The following MSRA variants were observed in gnomAD, a reference collection of about 807,000 sequenced individuals.
The protein encoded by MSRA is mitochondrial peptide methionine sulfoxide reductase.
Under a neutral mutation model 31.3 loss-of-function variants are expected in MSRA, and 54 were observed. That is an observed-to-expected ratio of 1.73 (90% CI 1.39 to 2.17). The LOEUF is 2.17. Among genes scored for constraint, MSRA ranks in the 30% most tolerant of loss-of-function variants. The probability of loss-of-function intolerance (pLI) is 0.00; values close to 1 mark genes in which losing one functional copy is unlikely to be tolerated. For synonymous variants in MSRA, 169 were observed against 116.5 expected (o/e 1.45, Z -2.90); for missense variants, 507 against 300.9 (o/e 1.69, Z -5.07).
At chr8:10,183,015 C>T (rs558873917) in intron 1 of MSRA, among the ~76,000 whole-genome samples, 1 of 152,292 alleles carries the variant, frequency 6.6e-6, no homozygotes, top group East Asian at 1.9e-4. Flanking sequence ...TAGCACATTC[C>T]ATGAGCCAAC....
At chr8:10,249,629 C>A (rs778706895) in intron 3 of MSRA, among the ~76,000 whole-genome samples, 5 of 152,210 alleles carry the variant, frequency 3.3e-5, no homozygotes, top group Non-Finnish European at 7.3e-5. Context: ...AAGCCACCCA[C>A]CACCAGCTTC....
intron 1 of MSRA, among the ~76,000 whole-genome samples, chr8:10,155,427 C>G (rs1245588197): frequency 6.6e-6 from 1 of 152,166 alleles, no homozygotes; most frequent in Non-Finnish European, 1.5e-5. Context: ...ACTGAAGAGC[C>G]TAGAAGCTGT....
At chr8:10,250,639 AGGAG>A (rs1334860950) in intron 3 of MSRA, 2 of 606,298 alleles carry the variant, frequency 3.3e-6, no homozygotes, top group African/African-American at 3.7e-5. Flanking sequence ...GGTTTCGAGC[AGGAG>A]CCCAGGTGTG....
chr8:10,057,726 C>T (rs750860972), intron 1 of MSRA, among the ~76,000 whole-genome samples: 3 of 152,190 alleles, frequency 2.0e-5, no homozygotes, highest in Non-Finnish European at 2.9e-5. Flanking sequence ...TTTGCGCTCT[C>T]TCGTTCTCTC....
At chr8:10,274,757 C>A (rs778194423) in intron 3 of MSRA, among the ~76,000 whole-genome samples, 4 of 151,946 alleles carry the variant, frequency 2.6e-5, no homozygotes, top group Non-Finnish European at 5.9e-5. Flanking sequence ...ACTCACCCAT[C>A]CACCATCATC....
chr8:10,076,031 G>A (rs1797980813), intron 1 of MSRA, among the ~76,000 whole-genome samples: 1 of 152,218 alleles, frequency 6.6e-6, no homozygotes, highest in Non-Finnish European at 1.5e-5. Context: ...TGTTGGCTTG[G>A]TGGAAAGCAC....
chr8:10,389,195 A>G (rs1294508918), intron 5 of MSRA, among the ~76,000 whole-genome samples: 3 of 152,198 alleles, frequency 2.0e-5, no homozygotes, highest in African/African-American at 7.2e-5. Context: ...GTGGAAAAGG[A>G]CCCTGGCATT....
At chr8:10,075,670 T>C (rs1797962258) in intron 1 of MSRA, among the ~76,000 whole-genome samples, 1 of 152,268 alleles carries the variant, frequency 6.6e-6, no homozygotes, top group Non-Finnish European at 1.5e-5. Context: ...TTTTATGTTC[T>C]AGCATCAAGA....
At chr8:10,219,806 CAAAAAAAAA>C (rs59393980) in intron 2 of MSRA, among the ~76,000 whole-genome samples, 2 of 57,116 alleles carry the variant, frequency 3.5e-5, no homozygotes, top group African/African-American at 1.8e-4. Flanking sequence ...ACTCTGTCTC[CAAAAAAAAA>C]AAAAAAAAAA....
chr8:10,201,126 T>A (rs1390792797), intron 1 of MSRA, among the ~76,000 whole-genome samples: 1 of 152,026 alleles, frequency 6.6e-6, no homozygotes, highest in African/African-American at 2.4e-5. Flanking sequence ...GTTGGGGTGT[T>A]GACAGATTTT....
intron 1 of MSRA, among the ~76,000 whole-genome samples, chr8:10,094,825 A>G (rs1455496399): frequency 1.3e-5 from 2 of 152,262 alleles, no homozygotes; most frequent in African/African-American, 2.4e-5. Flanking sequence ...TAAGTAAACA[A>G]GTGACTATGC....
chr8:10,135,473 G>A (rs1432908998), intron 1 of MSRA, among the ~76,000 whole-genome samples: 1 of 152,188 alleles, frequency 6.6e-6, no homozygotes, highest in African/African-American at 2.4e-5. Flanking sequence ...AGTTACCAAC[G>A]AGTAATATTA....
chr8:10,347,738 C>A (rs1381536643), intron 5 of MSRA, among the ~76,000 whole-genome samples: 2 of 152,200 alleles, frequency 1.3e-5, no homozygotes, highest in Non-Finnish European at 2.9e-5. Flanking sequence ...ATGAAATAAT[C>A]CCGTCCATAG....
At chr8:10,067,676 C>T (rs2128916193) in intron 1 of MSRA, among the ~76,000 whole-genome samples, 1 of 152,298 alleles carries the variant, frequency 6.6e-6, no homozygotes, top group Admixed American at 6.5e-5. Flanking sequence ...TCCTTCCCGG[C>T]AGTTGTTGTT....
rs142261707 is a variant in MSRA at position 10,273,540 on chromosome 8, T to G, written c.332-27994T>G. ...AGTACTTGGTATGTAATAAGAGTCA[T>G]GTAAGTTTTATAATCATGAGAACAG... is the stretch of plus-strand genomic sequence containing the variant. On this transcript the variant is annotated intron_variant, in intron 3 of 5. Transcript: ENST00000317173. Among the ~76,000 whole-genome samples, 356 of 152,322 alleles carry G rather than the reference T, an allele frequency of 2.3e-3. 2 individuals carry two copies. Among genetic ancestry groups the G allele is most frequent in the Admixed American group, 3.5e-3 (54 of 15,310 alleles).
In MSRA at chr8:10,080,935, G is replaced by C. The variant is rs71516553; in HGVS notation, c.142+26277G>C. ...CATGTGCAAGGTCTTCCATACCGCA[G>C]AAGGCTGTTGGGCAAGGCATAGTCC... On this transcript the variant is annotated intron_variant, in intron 1 of 5. Transcript: ENST00000317173. Among the ~76,000 whole-genome samples the C allele has an allele frequency of 7.4e-4, 113 of 152,322 alleles. 1 individual carries two copies. Among genetic ancestry groups the C allele is most frequent in the African/African-American group, 2.3e-3 (97 of 41,572 alleles).
intron 1 of MSRA, among the ~76,000 whole-genome samples, chr8:10,102,827 G>C (rs1700308790): frequency 6.6e-6 from 1 of 152,136 alleles, no homozygotes; most frequent in Non-Finnish European, 1.5e-5. Flanking sequence ...TGGTAGGTGA[G>C]GGTGAAATTC....
Position 10,233,267 on chromosome 8 carries a change from TTGCCTTC to T in MSRA, c.212-11832_212-11826del, listed in dbSNP as rs541106476. The stretch of plus-strand genomic sequence containing the variant: ...ACAACTTGAAAGTGCTTCTCTCTTC[TTGCCTTC>T]TGCCCAAGGTGACACACCCATGTGT... On this transcript the variant is annotated intron_variant, in intron 2 of 5. Coordinates refer to ENST00000317173, the MANE Select transcript of MSRA (RefSeq NM_012331.5). Among the ~76,000 whole-genome samples the T allele has an allele frequency of 1.4e-3, 220 of 152,302 alleles. 1 individual carries two copies. Among genetic ancestry groups the T allele is most frequent in the Non-Finnish European group, 1.9e-3 (126 of 68,034 alleles).
At chr8:10,303,851 A>G (rs555803979) in intron 4 of MSRA, among the ~76,000 whole-genome samples, 3 of 152,350 alleles carry the variant, frequency 2.0e-5, no homozygotes, top group African/African-American at 4.8e-5. Context: ...AGTAACAAAA[A>G]TCCTTACTAA....
Sources: allele counts gnomAD v4.1 joint callset (sites outside exome capture counted in the v4.1 genomes callset), GRCh38; gene constraint gnomAD v4.1.1; transcripts MANE v1.5; gene names NCBI Gene and HGNC (gene_info 2026-07-23, HGNC 2026-07-21).